Variants in PDE8B observed in about 807,000 individuals in gnomAD.
The protein encoded by PDE8B is high affinity cAMP-specific and IBMX-insensitive 3',5'-cyclic phosphodiesterase 8B.
A neutral mutation model predicts 101.3 loss-of-function variants in PDE8B; 26 were observed. The observed-to-expected ratio is 0.26, with a 90% CI of 0.19 to 0.36. The LOEUF (loss-of-function observed/expected upper bound fraction) is 0.36. Among genes scored for constraint, PDE8B ranks in the 10% least tolerant of loss-of-function variants. The pLI is 1.00. For missense variants in PDE8B, 810 were observed against 1,163.1 expected (o/e 0.70, Z 4.42); for synonymous variants, 424 against 429.3 (o/e 0.99, Z 0.15).
chr5:77,316,935 AG>A (rs1561516913), intron 2 of PDE8B, among the ~76,000 whole-genome samples: 2 of 152,320 alleles, frequency 1.3e-5, no homozygotes, highest in South Asian at 4.1e-4. Context: ...ACAATAATTA[AG>A]GGTTTCTTTT....
chr5:77,386,865 C>CTTTTTTTTTTTTTTTTT lies in PDE8B; in HGVS notation c.1168-13370_1168-13354dup, dbSNP rs59393259. Among the ~76,000 whole-genome samples, 24 of 51,080 alleles carry CTTTTTTTTTTTTTTTTT rather than the reference C, an allele frequency of 4.7e-4. 7 individuals are homozygous for CTTTTTTTTTTTTTTTTT. Among genetic ancestry groups the CTTTTTTTTTTTTTTTTT allele is most frequent in the East Asian group, 1.6e-3 (2 of 1,260 alleles). 33.5% of individuals were successfully genotyped at this position (51,080 alleles called of 152,430 possible). A position where few individuals can be genotyped will look rare whatever the true frequency, so the allele number is the denominator to read the frequency against. On this transcript the variant is annotated intron_variant, in intron 10 of 21. Transcript: ENST00000264917. ...TTTTGCCTGTTAGTTGATGTAGTTT[C>CTTTTTTTTTTTTTTTTT]TTTTTTTTTTTTTTTTTTTTTTTTT...
the PDE8B span, among the ~76,000 whole-genome samples, chr5:77,091,710 G>A: frequency 1.3e-5 from 2 of 152,114 alleles, no homozygotes; most frequent in South Asian, 4.1e-4. Flanking sequence ...TCAGGTTAAA[G>A]TCATCTCTAA....
chr5:77,275,466 A>G (rs1763670805), intron 1 of PDE8B, among the ~76,000 whole-genome samples: 1 of 152,188 alleles, frequency 6.6e-6, no homozygotes, highest in Admixed American at 6.5e-5. Context: ...TTAAGAGAAC[A>G]GTTTTAAATT....
chr5:77,268,084 C>G (rs1179025544), intron 1 of PDE8B, among the ~76,000 whole-genome samples: 1 of 151,622 alleles, frequency 6.6e-6, no homozygotes, highest in Non-Finnish European at 1.5e-5. Context: ...GACTTGGTAT[C>G]AGGAATGGGG....
intron 10 of PDE8B, among the ~76,000 whole-genome samples, chr5:77,377,717 C>T (rs962254833): frequency 2.0e-5 from 3 of 152,176 alleles, no homozygotes; most frequent in Non-Finnish European, 4.4e-5. Context: ...GGAAGATCTG[C>T]ACTCACCAAT....
At chr5:77,378,532 T>C (rs573372930) in intron 10 of PDE8B, among the ~76,000 whole-genome samples, 1 of 151,852 alleles carries the variant, frequency 6.6e-6, no homozygotes, top group East Asian at 1.9e-4. Context: ...CTTTTCACTT[T>C]ATTGGTGTTT....
intron 6 of PDE8B, among the ~76,000 whole-genome samples, chr5:77,339,146 C>T (rs182289464): frequency 3.9e-5 from 6 of 152,148 alleles, no homozygotes; most frequent in Non-Finnish European, 8.8e-5. Flanking sequence ...TTTTTAAGGT[C>T]TTATCAGATT....
At chr5:77,375,394 T>G (rs1785866092) in intron 10 of PDE8B, among the ~76,000 whole-genome samples, 1 of 152,188 alleles carries the variant, frequency 6.6e-6, no homozygotes, top group Non-Finnish European at 1.5e-5. Context: ...ACCAAAACTT[T>G]GGCAAAAAGT....
chr5:77,218,115 ATT>A (rs1750207556), intron 1 of PDE8B, among the ~76,000 whole-genome samples: 1 of 152,158 alleles, frequency 6.6e-6, no homozygotes, highest in Non-Finnish European at 1.5e-5. Flanking sequence ...TCAAGGAACT[ATT>A]TTGCTTTTGG....
chr5:77,394,283 G>C (rs191351041), intron 10 of PDE8B, among the ~76,000 whole-genome samples: 84 of 152,210 alleles, frequency 5.5e-4, no homozygotes, highest in African/African-American at 2.0e-3. Flanking sequence ...AGGCACTGTA[G>C]AATCCAGCAG....
intron 8 of PDE8B, 74 bp downstream of exon 8, chr5:77,349,633 A>C: frequency 4.7e-6 from 7 of 1,496,658 alleles, no homozygotes; most frequent in Non-Finnish European, 6.5e-6. Flanking sequence ...TTAGAATTTC[A>C]TCCTTAAGAT....
At chr5:77,100,981 T>G in the PDE8B span, among the ~76,000 whole-genome samples, 155 of 149,120 alleles carry the variant, frequency 1.0e-3, 1 homozygote, top group African/African-American at 3.6e-3. Flanking sequence ...TTTTTTTTTT[T>G]TTTTTTGAGA....
intron 8 of PDE8B, among the ~76,000 whole-genome samples, chr5:77,350,300 G>A (rs182587329): frequency 6.6e-6 from 1 of 152,180 alleles, no homozygotes; most frequent in Non-Finnish European, 1.5e-5. Flanking sequence ...TGATCAAAAT[G>A]TTTTTTTAAT....
At chr5:77,356,467 T>C (rs1393732413) in intron 10 of PDE8B, among the ~76,000 whole-genome samples, 1 of 152,204 alleles carries the variant, frequency 6.6e-6, no homozygotes, top group African/African-American at 2.4e-5. Flanking sequence ...TCTCACTCTG[T>C]TGCCCAGGCT....
chr5:77,372,777 G>C (rs6875758), intron 10 of PDE8B, among the ~76,000 whole-genome samples: 39,091 of 152,074 alleles, frequency 0.26, 5,233 homozygotes, highest in Middle Eastern at 0.42. Flanking sequence ...AGGTGTCGTG[G>C]CTCACGCCTG....
chr5:77,161,163 T>C, the PDE8B span, among the ~76,000 whole-genome samples: 2,374 of 152,306 alleles, frequency 0.016, 68 homozygotes, highest in African/African-American at 0.053. Context: ...AACATAACCA[T>C]GACCATAAGG....
At chr5:77,123,032 C>A in the PDE8B span, among the ~76,000 whole-genome samples, 1 of 152,148 alleles carries the variant, frequency 6.6e-6, no homozygotes, top group Non-Finnish European at 1.5e-5. Flanking sequence ...ACCAAGGTAG[C>A]TATGATTTAT....
intron 10 of PDE8B, among the ~76,000 whole-genome samples, chr5:77,359,365 C>T (rs1782698752): frequency 6.6e-6 from 1 of 152,142 alleles, no homozygotes; most frequent in Non-Finnish European, 1.5e-5. Flanking sequence ...TGTGCACCTA[C>T]CCTGAGCATG....
intron 1 of PDE8B, among the ~76,000 whole-genome samples, chr5:77,271,738 C>T (rs987796691): frequency 1.3e-5 from 2 of 152,144 alleles, no homozygotes; most frequent in Non-Finnish European, 2.9e-5. Context: ...AGTTGTTCAA[C>T]AATGGGAGCC....
Sources: allele counts gnomAD v4.1 joint callset (sites outside exome capture counted in the v4.1 genomes callset), GRCh38; gene constraint gnomAD v4.1.1; transcripts MANE v1.5; gene names NCBI Gene and HGNC (gene_info 2026-07-23, HGNC 2026-07-21).